Variants in VAV3 observed in about 807,000 individuals in gnomAD.
VAV3 encodes vav guanine nucleotide exchange factor 3, also known as guanine nucleotide exchange factor VAV3.
In VAV3, 94 loss-of-function variants were observed where a neutral mutation model predicts 131.2. The observed-to-expected ratio is 0.72, with a 90% CI of 0.61 to 0.85. The LOEUF (loss-of-function observed/expected upper bound fraction) is 0.85, where lower values mean the gene tolerates loss of function less well. Ranked by LOEUF, VAV3 falls within the 40% of genes least tolerant of loss-of-function variation. The probability of loss-of-function intolerance (pLI) is 0.00; values close to 1 mark genes in which losing one functional copy is unlikely to be tolerated. For synonymous variants in VAV3, 349 were observed against 342.0 expected (o/e 1.02, Z -0.22); for missense variants, 939 against 1,002.7 (o/e 0.94, Z 0.86).
chr1:107,792,222 G>C (rs1666324580), intron 2 of VAV3, among the ~76,000 whole-genome samples: 1 of 152,084 alleles, frequency 6.6e-6, no homozygotes, highest in Non-Finnish European at 1.5e-5. Context: ...CAAGTGTTGA[G>C]TATTTTTTTT....
At chr1:107,642,810 T>C in intron 19 of VAV3, 55 bp from the exon 20 acceptor site, 5 of 1,597,714 alleles carry the variant, frequency 3.1e-6, no homozygotes, top group Non-Finnish European at 3.4e-6. Flanking sequence ...GCATGAAGTC[T>C]ACATGAACTT....
At chr1:107,638,204 G>A (rs1001678759) in intron 20 of VAV3, among the ~76,000 whole-genome samples, 2 of 152,072 alleles carry the variant, frequency 1.3e-5, no homozygotes, top group Admixed American at 1.3e-4. Flanking sequence ...GGACATTCTA[G>A]CCATTGCTAC....
At chr1:107,911,033 A>C (rs1445365146) in intron 1 of VAV3, among the ~76,000 whole-genome samples, 5 of 152,026 alleles carry the variant, frequency 3.3e-5, no homozygotes, top group Admixed American at 2.6e-4. Context: ...TTGAGTCATA[A>C]TCTCTCTCTA....
At chr1:107,923,322 T>C (rs924262857) in intron 1 of VAV3, among the ~76,000 whole-genome samples, 1 of 152,148 alleles carries the variant, frequency 6.6e-6, no homozygotes, top group Non-Finnish European at 1.5e-5. Context: ...TGAAGGTTTG[T>C]GTCTTCCTCC....
chr1:107,696,706 T>C (rs546229434), intron 17 of VAV3, among the ~76,000 whole-genome samples: 1 of 152,316 alleles, frequency 6.6e-6, no homozygotes, highest in East Asian at 1.9e-4. Flanking sequence ...TTGTCTTAAG[T>C]CAGTAGTACT....
intron 19 of VAV3, chr1:107,669,133 C>G: frequency 9.2e-7 from 1 of 1,084,146 alleles, no homozygotes; most frequent in Non-Finnish European, 1.1e-6. Context: ...CAGAAAAATT[C>G]TTGGCTGCAC....
chr1:107,732,349 C>T (rs1662298091), intron 15 of VAV3, among the ~76,000 whole-genome samples: 1 of 152,192 alleles, frequency 6.6e-6, no homozygotes, highest in Admixed American at 6.5e-5. Context: ...TGGTTCATCT[C>T]ACTGGGACTG....
chr1:107,786,255 G>T (rs553803628), intron 2 of VAV3, among the ~76,000 whole-genome samples: 57 of 152,184 alleles, frequency 3.7e-4, no homozygotes, highest in African/African-American at 1.3e-3. Flanking sequence ...AATTTAAGAA[G>T]TATTCTATAC....
chr1:107,753,839 T>G (rs1418787409), intron 12 of VAV3, among the ~76,000 whole-genome samples: 1 of 151,956 alleles, frequency 6.6e-6, no homozygotes, highest in Non-Finnish European at 1.5e-5. Flanking sequence ...GGATTACATG[T>G]GTGAGCCACC....
intron 2 of VAV3, among the ~76,000 whole-genome samples, chr1:107,807,079 A>G (rs989358673): frequency 1.3e-5 from 2 of 152,184 alleles, no homozygotes; most frequent in Non-Finnish European, 2.9e-5. Flanking sequence ...GTTGAACCCA[A>G]GAACGCAAAA....
intron 1 of VAV3, among the ~76,000 whole-genome samples, chr1:107,901,451 G>A (rs1392038555): frequency 6.6e-6 from 1 of 152,162 alleles, no homozygotes; most frequent in Non-Finnish European, 1.5e-5. Flanking sequence ...TTTTAATGGT[G>A]TATCTTTGTG....
intron 19 of VAV3, among the ~76,000 whole-genome samples, chr1:107,656,729 A>T (rs2101600998): frequency 6.6e-6 from 1 of 152,242 alleles, no homozygotes; most frequent in East Asian, 1.9e-4. Context: ...CACATCTATT[A>T]TATATCAATA....
intron 25 of VAV3, among the ~76,000 whole-genome samples, chr1:107,584,302 G>T (rs910767856): frequency 6.6e-5 from 10 of 152,128 alleles, no homozygotes; most frequent in Non-Finnish European, 8.8e-5. Context: ...AACCATAAAA[G>T]CCCTAGAAGA....
intron 1 of VAV3, among the ~76,000 whole-genome samples, chr1:107,942,936 C>G (rs1484125367): frequency 6.6e-6 from 1 of 152,196 alleles, no homozygotes; most frequent in Admixed American, 6.5e-5. Context: ...ATTATGAAAT[C>G]CAGAGCAAAC....
At position 107,942,286 on chromosome 1, in the gene VAV3, AC is replaced by A. The variant is rs1242901145; in HGVS notation, c.204+22379del. On this transcript the variant is annotated intron_variant, in intron 1 of 26. Transcript: ENST00000370056. Reference sequence around the variant, plus strand: ...AAGTACCCCTCCAGGACAGATGTAAACCCTGGTGAGATCCCACAGCGAGAAG... The same window carrying A: ...AAGTACCCCTCCAGGACAGATGTAAACCTGGTGAGATCCCACAGCGAGAAG... Among the ~76,000 whole-genome samples, 26 of 152,228 alleles carry A rather than the reference AC, an allele frequency of 1.7e-4. No homozygotes were observed. The East Asian group carries it at 5.0e-3, about 29-fold the overall frequency.
At chr1:107,875,726 C>A (rs1670464068) in intron 1 of VAV3, among the ~76,000 whole-genome samples, 1 of 152,124 alleles carries the variant, frequency 6.6e-6, no homozygotes, top group South Asian at 2.1e-4. Flanking sequence ...TTAAAAAGGT[C>A]TTTTTGGCCT....
chr1:107,922,966 A>G (rs200941675), intron 1 of VAV3, among the ~76,000 whole-genome samples: 3,424 of 14,986 alleles, frequency 0.23, 58 homozygotes, highest in East Asian at 0.49. Flanking sequence ...AAAAAAAAGA[A>G]AAAAAAAAAA....
chr1:107,952,468 T>TTTATATATATATATATACA (rs1553235441), intron 1 of VAV3, among the ~76,000 whole-genome samples: 3 of 119,004 alleles, frequency 2.5e-5, no homozygotes, highest in African/African-American at 7.1e-5. Flanking sequence ...TAACAAAACT[T>TTTATATATATATATATACA]TATATATATA....
At chr1:107,901,952 A>G (rs1192140578) in intron 1 of VAV3, among the ~76,000 whole-genome samples, 2 of 152,032 alleles carry the variant, frequency 1.3e-5, no homozygotes, top group African/African-American at 4.8e-5. Flanking sequence ...CTGAGGGAGG[A>G]GAATCGCTTG....
Sources: allele counts gnomAD v4.1 joint callset (sites outside exome capture counted in the v4.1 genomes callset), GRCh38; gene constraint gnomAD v4.1.1; transcripts MANE v1.5; gene names NCBI Gene and HGNC (gene_info 2026-07-23, HGNC 2026-07-21).